BRINP1: variants seen among roughly 807,000 people sequenced by gnomAD.
BRINP1 encodes the protein BMP/retinoic acid-inducible neural-specific protein 1.
A neutral mutation model predicts 72.9 loss-of-function variants in BRINP1; 17 were observed. That is an observed-to-expected ratio of 0.23 (90% CI 0.16 to 0.35). The LOEUF is 0.35. Ranked by LOEUF, BRINP1 falls within the 10% of genes least tolerant of loss-of-function variation. The pLI, the probability that BRINP1 is intolerant of heterozygous loss-of-function variation, is 1.00. For synonymous variants in BRINP1, 418 were observed against 378.5 expected (o/e 1.10, Z -1.21); for missense variants, 850 against 1,001.6 (o/e 0.85, Z 2.04).
chr9:119,349,748 G>A (rs977014360), intron 1 of BRINP1, among the ~76,000 whole-genome samples: 11 of 152,196 alleles, frequency 7.2e-5, no homozygotes, highest in Non-Finnish European at 1.5e-4. Context: ...TGCAGTCAGC[G>A]AAAAGCCCCC....
rs543300804 is a variant in BRINP1, at chr9:119,313,105, T to C, written c.218+33A>G. On this transcript the variant is annotated intron_variant, in intron 2 of 7. Coordinates refer to ENST00000265922, the MANE Select transcript of BRINP1 (RefSeq NM_014618.3). ...CTGACTCCACAAAGCATAATATGAA[T>C]GTAAGGCAAGGGCTATTTAGCCCAG... is the stretch of plus-strand genomic sequence containing the variant. The C allele has an allele frequency of 1.7e-5, 27 of 1,602,282 alleles. 1 individual carries two copies. The South Asian group carries it at 2.9e-4, about 17-fold the overall frequency.
At chr9:119,315,361 G>A (rs1005252408) in intron 1 of BRINP1, among the ~76,000 whole-genome samples, 4 of 151,682 alleles carry the variant, frequency 2.6e-5, no homozygotes, top group East Asian at 1.9e-4. Flanking sequence ...TGTTATGGTG[G>A]TCTGTGGTAA....
intron 1 of BRINP1, among the ~76,000 whole-genome samples, chr9:119,346,087 A>G (rs542060155): frequency 6.6e-6 from 1 of 152,282 alleles, no homozygotes; most frequent in South Asian, 2.1e-4. Context: ...CATTAAATGT[A>G]CTTATTAAGT....
intron 5 of BRINP1, among the ~76,000 whole-genome samples, chr9:119,222,132 CT>C (rs1830047046): frequency 6.6e-6 from 1 of 152,124 alleles, no homozygotes; most frequent in African/African-American, 2.4e-5. Flanking sequence ...ATCAATCTCT[CT>C]TTTTACAAGT....
At chr9:119,258,503 C>G (rs1830467354) in intron 2 of BRINP1, among the ~76,000 whole-genome samples, 1 of 152,168 alleles carries the variant, frequency 6.6e-6, no homozygotes, top group Non-Finnish European at 1.5e-5. Flanking sequence ...GAGATACACT[C>G]CATGCACTGG....
intron 7 of BRINP1, among the ~76,000 whole-genome samples, chr9:119,173,450 G>A (rs1829442859): frequency 6.6e-6 from 1 of 151,544 alleles, no homozygotes; most frequent in South Asian, 2.1e-4. Flanking sequence ...TCTTCAAGGA[G>A]AACCACAAAC....
At chr9:119,201,767 T>C (rs374478285) in intron 7 of BRINP1, among the ~76,000 whole-genome samples, 4 of 152,334 alleles carry the variant, frequency 2.6e-5, no homozygotes, top group African/African-American at 7.2e-5. Context: ...TTTAAATGCC[T>C]TTCAGTGGCT....
At chr9:119,228,442 G>A (rs1830116012) in intron 5 of BRINP1, among the ~76,000 whole-genome samples, 1 of 151,352 alleles carries the variant, frequency 6.6e-6, no homozygotes, top group African/African-American at 2.4e-5. Flanking sequence ...AGAAAAGATA[G>A]AAAACTAAAC....
chr9:119,309,128 G>A (rs1278070195), intron 2 of BRINP1, among the ~76,000 whole-genome samples: 1 of 152,174 alleles, frequency 6.6e-6, no homozygotes, highest in East Asian at 1.9e-4. Flanking sequence ...ATTCCGACAT[G>A]CCTTTGTGAA....
intron 2 of BRINP1, among the ~76,000 whole-genome samples, chr9:119,270,186 G>C (rs981793153): frequency 4.6e-5 from 7 of 152,032 alleles, no homozygotes; most frequent in Non-Finnish European, 8.8e-5. Flanking sequence ...GAGGGGCAAG[G>C]AGTAATAGCG....
chr9:119,278,749 G>A (rs1830680063), intron 2 of BRINP1, among the ~76,000 whole-genome samples: 1 of 152,036 alleles, frequency 6.6e-6, no homozygotes, highest in Admixed American at 6.6e-5. Flanking sequence ...TTAGCTGGGC[G>A]TGGTGGTGCG....
At chr9:119,357,295 GAGAC>G (rs1188680160) in intron 1 of BRINP1, among the ~76,000 whole-genome samples, 1 of 152,228 alleles carries the variant, frequency 6.6e-6, no homozygotes, top group African/African-American at 2.4e-5. Context: ...GAGAAAAACA[GAGAC>G]AGACAGAGAG....
At chr9:119,306,420 G>T (rs1322448049) in intron 2 of BRINP1, among the ~76,000 whole-genome samples, 1 of 152,166 alleles carries the variant, frequency 6.6e-6, no homozygotes, top group Non-Finnish European at 1.5e-5. Flanking sequence ...TTAAGCGAGG[G>T]ATGTATGTGG....
chr9:119,320,584 T>C (rs979051546), intron 1 of BRINP1, among the ~76,000 whole-genome samples: 1 of 152,134 alleles, frequency 6.6e-6, no homozygotes, highest in Admixed American at 6.5e-5. Flanking sequence ...GTGGAGGTGC[T>C]GCTTTCTATG....
intron 2 of BRINP1, among the ~76,000 whole-genome samples, chr9:119,290,697 G>A (rs975683230): frequency 1.3e-5 from 2 of 152,182 alleles, no homozygotes; most frequent in Non-Finnish European, 2.9e-5. Flanking sequence ...ATGGAGGGAA[G>A]GGCAGCAGCA....
chr9:119,242,043 G>T lies in BRINP1; in HGVS notation c.579+4C>A. 1 of 1,613,362 alleles carries T rather than the reference G, an allele frequency of 6.2e-7. No homozygotes were observed. ...TGTCGCCCAAATCCACCCCGGAGCT[G>T]TACCTTGATTGCTCCAGTTGATATC... On this transcript the variant is annotated splice_donor_region_variant and intron_variant, in intron 4 of 7. Coordinates refer to ENST00000265922, the MANE Select transcript of BRINP1 (RefSeq NM_014618.3).
chr9:119,355,987 G>C (rs1831560975), intron 1 of BRINP1, among the ~76,000 whole-genome samples: 1 of 151,890 alleles, frequency 6.6e-6, no homozygotes, highest in African/African-American at 2.4e-5. Context: ...ATTTGGTATA[G>C]AGATAAAGAT....
chr9:119,292,123 T>C (rs1830827675), intron 2 of BRINP1, among the ~76,000 whole-genome samples: 1 of 152,206 alleles, frequency 6.6e-6, no homozygotes, highest in Non-Finnish European at 1.5e-5. Flanking sequence ...TCAGCCCTAA[T>C]ATCTATTTTA....
intron 5 of BRINP1, among the ~76,000 whole-genome samples, chr9:119,237,786 T>C (rs1167540082): frequency 1.3e-5 from 2 of 152,000 alleles, no homozygotes; most frequent in Non-Finnish European, 2.9e-5. Flanking sequence ...CTCATCCTTC[T>C]GAATAGCTCG....
Sources: gnomAD v4.1 joint callset for allele counts (sites outside exome capture counted in the v4.1 genomes callset) on GRCh38, gnomAD v4.1.1 for gene constraint, MANE v1.5 for transcripts, NCBI Gene and HGNC (gene_info 2026-07-23, HGNC 2026-07-21) for gene names.